Variants in CDH13 observed in about 807,000 individuals in gnomAD.
CDH13 encodes the protein cadherin-13.
In CDH13, 24 loss-of-function variants were observed where a neutral mutation model predicts 63.8. That is an observed-to-expected ratio of 0.38 (90% confidence interval 0.27 to 0.53). CDH13 has a LOEUF of 0.53. Among genes scored for constraint, CDH13 ranks in the 20% least tolerant of loss-of-function variants. The pLI is 0.85. For synonymous variants in CDH13, 503 were observed against 355.3 expected (o/e 1.42, Z -4.67); for missense variants, 1,049 against 903.1 (o/e 1.16, Z -2.07).
chr16:83,776,648 G>A (rs1915133841), intron 11 of CDH13, among the ~76,000 whole-genome samples: 1 of 152,040 alleles, frequency 6.6e-6, no homozygotes, highest in East Asian at 1.9e-4. Context: ...TTTTTTCCCC[G>A]TTAACAGAAA....
At chr16:83,094,238 C>T (rs905709033) in intron 3 of CDH13, among the ~76,000 whole-genome samples, 2 of 152,280 alleles carry the variant, frequency 1.3e-5, no homozygotes, top group Middle Eastern at 6.8e-3. Flanking sequence ...TATCTGAGCA[C>T]TTGTGACCCC....
chr16:82,892,932 A>G (rs773001611), intron 2 of CDH13, among the ~76,000 whole-genome samples: 14 of 152,230 alleles, frequency 9.2e-5, no homozygotes, highest in Non-Finnish European at 1.6e-4. Context: ...ACATTTTGAC[A>G]TTTGGCTCTC....
intron 1 of CDH13, among the ~76,000 whole-genome samples, chr16:82,714,624 G>T (rs142154993): frequency 7.0e-6 from 1 of 141,858 alleles, no homozygotes; most frequent in Non-Finnish European, 1.5e-5. Context: ...TGAGGCAGGA[G>T]AATGGCTTAA....
intron 2 of CDH13, among the ~76,000 whole-genome samples, chr16:83,009,324 G>C (rs755716989): frequency 5.3e-5 from 8 of 152,220 alleles, no homozygotes; most frequent in Non-Finnish European, 1.0e-4. Flanking sequence ...AGTAAGAGGT[G>C]TCTCTTTCAT....
intron 2 of CDH13, among the ~76,000 whole-genome samples, chr16:82,966,400 G>A (rs1006164940): frequency 7.2e-5 from 11 of 152,106 alleles, no homozygotes; most frequent in Non-Finnish European, 1.2e-4. Flanking sequence ...GCCCACCTCC[G>A]CCTCCCAAAG....
chr16:83,252,838 C>T (rs1284114919), intron 5 of CDH13, among the ~76,000 whole-genome samples: 1 of 152,096 alleles, frequency 6.6e-6, no homozygotes, highest in Non-Finnish European at 1.5e-5. Context: ...AAATCCATAC[C>T]ATCAAGAATA....
In CDH13 at chr16:83,797,781, A is replaced by G. The variant is rs1427927427; in HGVS notation, c.*2751A>G. Reference sequence around the variant, plus strand: ...TGAGGGTTTTATTTCCACTGAGCAAATAGTCACACCTTCACTTCTTTTTAT... The same window carrying G: ...TGAGGGTTTTATTTCCACTGAGCAAGTAGTCACACCTTCACTTCTTTTTAT... On this transcript the variant is annotated 3_prime_UTR_variant, in exon 14 of 14. Coordinates refer to ENST00000567109, the MANE Select transcript of CDH13 (RefSeq NM_001257.5). 6.6e-6 allele frequency: 1 copy of G among 152,218 alleles called. No homozygotes were observed. Among genetic ancestry groups the G allele is most frequent in the Non-Finnish European group, 1.5e-5 (1 of 68,048 alleles). 9.4% of individuals were successfully genotyped at this position (152,218 alleles called of 1,614,324 possible).
At chr16:82,677,446 C>CTTTTT (rs3041877) in intron 1 of CDH13, among the ~76,000 whole-genome samples, 16,820 of 129,536 alleles carry the variant, frequency 0.13, 1,065 homozygotes, top group East Asian at 0.3. Context: ...ACTCTTCTGC[C>CTTTTT]TTTTTTTTTT....
intron 5 of CDH13, among the ~76,000 whole-genome samples, chr16:83,270,611 C>G (rs2088773494): frequency 6.6e-6 from 1 of 152,256 alleles, no homozygotes; most frequent in East Asian, 1.9e-4. Flanking sequence ...GGATGCGGAT[C>G]CTGTATGTGT....
At chr16:82,653,324 T>A (rs796724980) in intron 1 of CDH13, among the ~76,000 whole-genome samples, 3 of 152,154 alleles carry the variant, frequency 2.0e-5, no homozygotes, top group African/African-American at 4.8e-5. Flanking sequence ...AGTGCCTTAG[T>A]GTATTTTACA....
At chr16:83,557,505 G>A (rs979455012) in intron 7 of CDH13, among the ~76,000 whole-genome samples, 3 of 152,062 alleles carry the variant, frequency 2.0e-5, no homozygotes, top group African/African-American at 7.2e-5. Flanking sequence ...TACATTATAT[G>A]TACTATTCTG....
chr16:83,618,602 G>A (rs1013335818), intron 8 of CDH13, among the ~76,000 whole-genome samples: 3 of 152,142 alleles, frequency 2.0e-5, no homozygotes, highest in African/African-American at 7.2e-5. Flanking sequence ...CAAGTCACAG[G>A]ATCATCCCCA....
At chr16:83,175,242 G>C (rs7194754) in intron 4 of CDH13, among the ~76,000 whole-genome samples, 2 of 152,060 alleles carry the variant, frequency 1.3e-5, no homozygotes, top group Admixed American at 1.3e-4. Context: ...ATTCTATTTG[G>C]TTTGGGACAG....
chr16:83,348,009 G>A (rs2090874550), intron 6 of CDH13, among the ~76,000 whole-genome samples: 1 of 152,096 alleles, frequency 6.6e-6, no homozygotes, highest in Non-Finnish European at 1.5e-5. Flanking sequence ...GGACAATGTG[G>A]TGAAACCCCA....
intron 1 of CDH13, among the ~76,000 whole-genome samples, chr16:82,773,983 C>G (rs770434254): frequency 3.9e-5 from 6 of 152,098 alleles, no homozygotes; most frequent in Non-Finnish European, 8.8e-5. Context: ...CAGGGTTTCA[C>G]TATGTTGGCC....
chr16:82,779,582 C>T (rs2035654938), intron 1 of CDH13, among the ~76,000 whole-genome samples: 1 of 152,142 alleles, frequency 6.6e-6, no homozygotes, highest in African/African-American at 2.4e-5. Context: ...GGAGAGGGGC[C>T]AGGAGAGAAT....
Position 82,627,097 on chromosome 16 carries a change from A to C in CDH13, c.5A>C (p.Gln2Pro), listed in dbSNP as rs1473052844. 6.2e-7 allele frequency: 1 copy of C among 1,603,904 alleles called. No homozygotes were observed. Among genetic ancestry groups the C allele is most frequent in the Admixed American group, 1.7e-5 (1 of 58,898 alleles). ...GGGCGCTTCTAGTCGGACAAAATGC[A>C]GCCGAGAACTCCGCTCGTTCTGTGC... M[Q>P]PRTPLVLCVL... The change falls in exon 1 of 14, where the codon CAG becomes CCG. Residue 2 changes from glutamine to proline, a missense_variant. Physicochemically the swap from Gln to Pro is moderately conservative, Grantham distance 76. Transcript: ENST00000567109.
intron 2 of CDH13, among the ~76,000 whole-genome samples, chr16:82,955,650 G>C (rs1466336771): frequency 6.6e-6 from 1 of 152,196 alleles, no homozygotes; most frequent in Non-Finnish European, 1.5e-5. Context: ...TGTGAATACA[G>C]TGGGGGGACA....
chr16:83,302,740 A>C (rs2089778395), intron 5 of CDH13, among the ~76,000 whole-genome samples: 1 of 152,220 alleles, frequency 6.6e-6, no homozygotes, highest in Non-Finnish European at 1.5e-5. Context: ...AAAAAGTGGG[A>C]GACGCCAAGG....
Sources: gnomAD v4.1 joint callset for allele counts (sites outside exome capture counted in the v4.1 genomes callset) on GRCh38, gnomAD v4.1.1 for gene constraint, MANE v1.5 for transcripts, NCBI Gene and HGNC (gene_info 2026-07-23, HGNC 2026-07-21) for gene names.